The following SORBS2 variants were observed in gnomAD, a reference collection of about 807,000 sequenced individuals.
SORBS2 encodes the protein sorbin and SH3 domain-containing protein 2.
Under a neutral mutation model 97.7 loss-of-function variants are expected in SORBS2, and 46 were observed. The ratio of observed to expected loss-of-function variants is 0.47; its 90% CI spans 0.37 to 0.60. The LOEUF is 0.60. Ranked by LOEUF, SORBS2 falls within the 20% of genes least tolerant of loss-of-function variation. The probability of loss-of-function intolerance (pLI) is 0.00; values close to 1 mark genes in which losing one functional copy is unlikely to be tolerated. For synonymous variants in SORBS2, 476 were observed against 473.4 expected, an observed-to-expected ratio of 1.01 and a Z score of -0.07; for missense variants, 1,316 against 1,282.3, an observed-to-expected ratio of 1.03 and a Z score of -0.40.
intron 1 of SORBS2, among the ~76,000 whole-genome samples, chr4:185,900,617 T>C (rs1285646002): frequency 6.6e-6 from 1 of 152,078 alleles, no homozygotes; most frequent in Non-Finnish European, 1.5e-5. Context: ...ATTCAAAAAA[T>C]ATAGCAAAGG....
chr4:185,828,841 T>C (rs944799268), intron 1 of SORBS2, among the ~76,000 whole-genome samples: 1 of 152,182 alleles, frequency 6.6e-6, no homozygotes, highest in Non-Finnish European at 1.5e-5. Context: ...CACTCCAAGA[T>C]GGGCCATCCC....
At chr4:185,587,857 G>A (rs765321596) in intron 14 of SORBS2, 169 bp from the exon 27 acceptor site, 63 of 565,396 alleles carry the variant, frequency 1.1e-4, no homozygotes, top group Non-Finnish European at 1.7e-4. Flanking sequence ...AATAAGCAGT[G>A]TTAGCTGGTT....
chr4:185,819,718 A>G (rs2099195537), intron 1 of SORBS2, among the ~76,000 whole-genome samples: 1 of 152,130 alleles, frequency 6.6e-6, no homozygotes, highest in African/African-American at 2.4e-5. Context: ...TGGGTTGCGG[A>G]AGCACCCTTC....
At chr4:185,924,584 A>G (rs1190211961) in intron 1 of SORBS2, among the ~76,000 whole-genome samples, 2 of 152,008 alleles carry the variant, frequency 1.3e-5, no homozygotes, top group South Asian at 2.1e-4. Flanking sequence ...GCCCCACATA[A>G]CCCCACGTGT....
At chr4:185,822,799 C>T (rs550912439) in intron 1 of SORBS2, among the ~76,000 whole-genome samples, 5 of 152,246 alleles carry the variant, frequency 3.3e-5, no homozygotes, top group South Asian at 2.1e-4. Flanking sequence ...TTTCAGAGTG[C>T]GCTCAGCATT....
intron 4 of SORBS2, among the ~76,000 whole-genome samples, chr4:185,637,872 T>C (rs2153443414): frequency 6.6e-6 from 1 of 152,282 alleles, no homozygotes; most frequent in South Asian, 2.1e-4. Flanking sequence ...TCTTAATGAA[T>C]GACCTACAAA....
intron 4 of SORBS2, among the ~76,000 whole-genome samples, chr4:185,642,578 T>C (rs1054802535): frequency 6.6e-6 from 1 of 152,334 alleles, no homozygotes; most frequent in East Asian, 1.9e-4. Flanking sequence ...AAATTCCTGG[T>C]GACTGCTAAG....
chr4:185,637,715 AAT>A (rs1235597911), intron 4 of SORBS2, among the ~76,000 whole-genome samples: 10 of 152,112 alleles, frequency 6.6e-5, no homozygotes, highest in African/African-American at 2.2e-4. Context: ...AACAGGACTC[AAT>A]GTCAAGGTGC....
chr4:185,800,417 A>G (rs2099124656), intron 1 of SORBS2, among the ~76,000 whole-genome samples: 1 of 152,128 alleles, frequency 6.6e-6, no homozygotes, highest in African/African-American at 2.4e-5. Context: ...GTCCGCTGGG[A>G]ACTTCCCTGA....
intron 1 of SORBS2, among the ~76,000 whole-genome samples, chr4:185,894,138 G>A (rs1001669334): frequency 3.3e-5 from 5 of 152,040 alleles, no homozygotes; most frequent in East Asian, 3.9e-4. Context: ...AAAATATTCC[G>A]GTTTCTTTCA....
chr4:185,629,560 A>ATTTTTTTTT (rs201590422), intron 5 of SORBS2, among the ~76,000 whole-genome samples: 2 of 134,092 alleles, frequency 1.5e-5, no homozygotes, highest in African/African-American at 3.1e-5. Context: ...GAATTTTGTG[A>ATTTTTTTTT]TTTGTTTTTT....
chr4:185,670,113 G>A (rs1281989106), intron 4 of SORBS2, among the ~76,000 whole-genome samples: 5 of 152,084 alleles, frequency 3.3e-5, no homozygotes, highest in African/African-American at 1.2e-4. Flanking sequence ...CAGCTACTCT[G>A]GAGGCTGAGG....
At position 185,912,785 on chromosome 4, in the gene SORBS2, A is replaced by G. The variant is rs566792681; in HGVS notation, c.-338+43411T>C. ...ACTTACATTTTTTGCTCTGGAGAAC[A>G]TCAAGCAAAATATTTGATCTGCTGT... On this transcript the variant is annotated intron_variant, in intron 1 of 20. Transcript: ENST00000284776. Among the ~76,000 whole-genome samples the G allele has an allele frequency of 5.3e-5, 8 of 152,270 alleles. No individual in the cohort carries two copies. The South Asian group carries it at 1.7e-3, about 32-fold the overall frequency.
exon 3 of SORBS2, chr4:185,649,565 G>A (rs1318886354): frequency 8.7e-6 from 14 of 1,605,498 alleles, no homozygotes; most frequent in Non-Finnish European, 1.2e-5. Flanking sequence ...AGGCATTGGG[G>A]CTGTTGTCGG....
chr4:185,624,748 G>A (rs1373509243), intron 6 of SORBS2, among the ~76,000 whole-genome samples: 1 of 152,188 alleles, frequency 6.6e-6, no homozygotes, highest in Non-Finnish European at 1.5e-5. Flanking sequence ...TGTATAAGAA[G>A]CAACCGACGT....
chr4:185,767,009 T>C (rs1381894084), intron 2 of SORBS2, among the ~76,000 whole-genome samples: 1 of 152,334 alleles, frequency 6.6e-6, no homozygotes, highest in East Asian at 1.9e-4. Context: ...TCGATTCTTT[T>C]CGGTATGCCG....
At chr4:185,591,458 A>C (rs926316717) in intron 13 of SORBS2, among the ~76,000 whole-genome samples, 1 of 152,144 alleles carries the variant, frequency 6.6e-6, no homozygotes, top group African/African-American at 2.4e-5. Flanking sequence ...CAGAAACGTC[A>C]CCTGATTTGG....
chr4:185,901,279 C>A (rs2099247608), intron 1 of SORBS2, among the ~76,000 whole-genome samples: 1 of 152,064 alleles, frequency 6.6e-6, no homozygotes, highest in Non-Finnish European at 1.5e-5. Flanking sequence ...TCTCGGCTCA[C>A]CGAAACCTCT....
chr4:185,755,398 T>A (rs976417857), intron 2 of SORBS2, among the ~76,000 whole-genome samples: 1 of 152,148 alleles, frequency 6.6e-6, no homozygotes, highest in Non-Finnish European at 1.5e-5. Context: ...TTAGACTACA[T>A]CAAAATTATG....
Sources: gnomAD v4.1 joint callset for allele counts (sites outside exome capture counted in the v4.1 genomes callset) on GRCh38, gnomAD v4.1.1 for gene constraint, MANE v1.5 for transcripts, NCBI Gene and HGNC (gene_info 2026-07-23, HGNC 2026-07-21) for gene names.